Variants in ROBO2 observed in about 807,000 individuals in gnomAD.
ROBO2 encodes the protein roundabout guidance receptor 2, also known as roundabout homolog 2.
A neutral mutation model predicts 160.8 loss-of-function variants in ROBO2; 53 were observed. The observed-to-expected ratio is 0.33, with a 90% CI of 0.26 to 0.41. The LOEUF is 0.41. Among genes scored for constraint, ROBO2 ranks in the 10% least tolerant of loss-of-function variants. ROBO2 has a pLI of 1.00. For synonymous variants in ROBO2, 664 were observed against 611.7 expected (o/e 1.09, Z -1.26); for missense variants, 1,577 against 1,722.4 (o/e 0.92, Z 1.49).
At chr3:77,324,687 C>T (rs1298686712) in intron 2 of ROBO2, among the ~76,000 whole-genome samples, 1 of 149,604 alleles carries the variant, frequency 6.7e-6, no homozygotes, top group Admixed American at 6.8e-5. Context: ...GAGGCTGAGG[C>T]AGGAGAATGG....
At chr3:76,705,201 T>A (rs1247838951) in intron 2 of ROBO2, among the ~76,000 whole-genome samples, 1 of 152,152 alleles carries the variant, frequency 6.6e-6, no homozygotes, top group Non-Finnish European at 1.5e-5. Context: ...CTTTTAGCTC[T>A]GTGATAAATG....
intron 2 of ROBO2, among the ~76,000 whole-genome samples, chr3:76,836,410 C>A (rs1284970175): frequency 6.7e-6 from 1 of 149,118 alleles, no homozygotes; most frequent in African/African-American, 2.5e-5. Context: ...TTGGTCATTA[C>A]TTTTACAGTA....
At chr3:76,961,381 G>A (rs779861526) in intron 2 of ROBO2, among the ~76,000 whole-genome samples, 1 of 150,806 alleles carries the variant, frequency 6.6e-6, no homozygotes, top group African/African-American at 2.4e-5. Context: ...TTCAGAGAGG[G>A]TTCACAGAAC....
chr3:76,767,610 A>G (rs1576506332), intron 2 of ROBO2, among the ~76,000 whole-genome samples: 1 of 151,696 alleles, frequency 6.6e-6, no homozygotes, highest in East Asian at 2.0e-4. Context: ...TTAGTGCAGA[A>G]CAACCTCCAT....
At chr3:76,527,842 G>C (rs891718248) in intron 2 of ROBO2, among the ~76,000 whole-genome samples, 1 of 152,092 alleles carries the variant, frequency 6.6e-6, no homozygotes, top group Non-Finnish European at 1.5e-5. Flanking sequence ...TTTTACCAAA[G>C]ACAGACAGCA....
chr3:76,265,941 A>G (rs1707074586), intron 2 of ROBO2, among the ~76,000 whole-genome samples: 1 of 152,178 alleles, frequency 6.6e-6, no homozygotes, highest in African/African-American at 2.4e-5. Flanking sequence ...AACTCAGGGT[A>G]AGTAAGCTCT....
At chr3:77,607,929 T>C in exon 21 of ROBO2, 1 of 1,613,546 alleles carries the variant, frequency 6.2e-7, no homozygotes, top group Non-Finnish European at 8.5e-7. Context: ...GCTGGAACAC[T>C]ATGCAGTGGA....
chr3:77,568,292 G>T (rs1401205588), intron 12 of ROBO2, 21 bp from the exon 14 acceptor site: 2 of 1,611,998 alleles, frequency 1.2e-6, no homozygotes, highest in Non-Finnish European at 1.7e-6. Flanking sequence ...AGGTGGGAAT[G>T]ATTCTCTTCT....
At chr3:76,546,374 G>A (rs2083097157) in intron 2 of ROBO2, among the ~76,000 whole-genome samples, 1 of 151,860 alleles carries the variant, frequency 6.6e-6, no homozygotes, top group African/African-American at 2.4e-5. Flanking sequence ...AGGTAAAAGT[G>A]CTGCCCAAAG....
chr3:77,522,793 T>C, exon 6 of ROBO2: 1 of 1,609,114 alleles, frequency 6.2e-7, no homozygotes, highest in South Asian at 1.1e-5. Flanking sequence ...TCAAAGACGA[T>C]TACACACTAA....
At chr3:76,727,020 C>T (rs2093563100) in intron 2 of ROBO2, among the ~76,000 whole-genome samples, 1 of 152,154 alleles carries the variant, frequency 6.6e-6, no homozygotes, top group Non-Finnish European at 1.5e-5. Context: ...TCATTACATT[C>T]TTTGAGCATT....
intron 4 of ROBO2, among the ~76,000 whole-genome samples, chr3:77,484,141 C>A (rs1321804107): frequency 6.6e-6 from 1 of 151,932 alleles, no homozygotes; most frequent in East Asian, 1.9e-4. Context: ...TCCTAATTAA[C>A]TGGGCATTAT....
chr3:77,432,224 C>T (rs1006109671), intron 2 of ROBO2, among the ~76,000 whole-genome samples: 4 of 152,084 alleles, frequency 2.6e-5, no homozygotes, highest in Admixed American at 2.6e-4. Flanking sequence ...GTGGCATTTA[C>T]AGAAGTTTAT....
exon 18 of ROBO2, chr3:77,595,148 T>G: frequency 6.2e-7 from 1 of 1,611,548 alleles, no homozygotes; most frequent in Non-Finnish European, 8.5e-7. Context: ...ATAGTTACGT[T>G]TCAAAGAGGA....
chr3:77,233,690 T>C (rs999663787), intron 2 of ROBO2, among the ~76,000 whole-genome samples: 13 of 152,134 alleles, frequency 8.5e-5, no homozygotes, highest in Admixed American at 3.3e-4. Context: ...TCAAGTCTTA[T>C]GTATTTATGT....
At chr3:77,205,263 G>A (rs988407924) in intron 2 of ROBO2, among the ~76,000 whole-genome samples, 1 of 151,972 alleles carries the variant, frequency 6.6e-6, no homozygotes, top group Non-Finnish European at 1.5e-5. Context: ...GAGTGGCGGA[G>A]GTAGCTCTCA....
chr3:75,980,370 A>G (rs550779367), intron 2 of ROBO2, among the ~76,000 whole-genome samples: 1 of 151,550 alleles, frequency 6.6e-6, no homozygotes, highest in East Asian at 2.0e-4. Context: ...CTATAGAAGC[A>G]TTTCTGATGA....
chr3:77,639,609 G>A (rs955748761), intron 24 of ROBO2, among the ~76,000 whole-genome samples: 4 of 152,128 alleles, frequency 2.6e-5, no homozygotes, highest in Non-Finnish European at 5.9e-5. Context: ...AAAAGGAAAG[G>A]GAACGATATG....
chr3:76,474,981 C>T (rs1254798447), intron 2 of ROBO2, among the ~76,000 whole-genome samples: 3 of 152,070 alleles, frequency 2.0e-5, no homozygotes, highest in Non-Finnish European at 2.9e-5. Context: ...GTGCTTTGAA[C>T]GCCCTACTTC....
Sources: allele counts gnomAD v4.1 joint callset (sites outside exome capture counted in the v4.1 genomes callset), GRCh38; gene constraint gnomAD v4.1.1; transcripts MANE v1.5; gene names NCBI Gene and HGNC (gene_info 2026-07-23, HGNC 2026-07-21).